The following ABHD12 variants were observed in gnomAD, a reference collection of about 807,000 sequenced individuals.
The protein encoded by ABHD12 is lysophosphatidylserine lipase ABHD12.
ABHD12 carries 43 observed loss-of-function variants against 58.3 expected under a neutral mutation model. That is an observed-to-expected ratio of 0.74 (90% CI 0.58 to 0.95). The LOEUF (loss-of-function observed/expected upper bound fraction) is 0.95, where lower values mean the gene tolerates loss of function less well. Ranked by LOEUF, ABHD12 falls within the 40% of genes least tolerant of loss-of-function variation. ABHD12 has a pLI of 0.00. For synonymous variants in ABHD12, 219 were observed against 211.2 expected (o/e 1.04, Z -0.32); for missense variants, 539 against 537.2 (o/e 1.00, Z -0.03).
chr20:25,311,997 C>T (rs752329863), intron 6 of ABHD12, among the ~76,000 whole-genome samples: 6 of 152,046 alleles, frequency 3.9e-5, no homozygotes, highest in Non-Finnish European at 7.4e-5. Context: ...CGTGAGCCAC[C>T]GTGCCCAGCC....
At chr20:25,299,523 G>A (rs1205240259), downstream of ABHD12, among the ~76,000 whole-genome samples, 3 of 152,040 alleles carry the variant, frequency 2.0e-5, no homozygotes, top group Admixed American at 6.5e-5. Context: ...AAAAGATGAA[G>A]GCCAGCCCAG....
chr20:25,387,839 G>C (rs962183201), intron 1 of ABHD12, among the ~76,000 whole-genome samples: 1 of 151,764 alleles, frequency 6.6e-6, no homozygotes, highest in African/African-American at 2.4e-5. Context: ...TCACGAGTTC[G>C]AGACCAGCCT....
downstream of ABHD12, chr20:25,296,421 A>C: frequency 6.2e-7 from 1 of 1,614,076 alleles, no homozygotes; most frequent in Non-Finnish European, 8.5e-7. Context: ...CTGCTCGGGC[A>C]AGTTCTCCAG....
rs776065335 is a variant in ABHD12 at position 25,309,460 on chromosome 20, G to C, written c.735C>G (p.His245Gln). The change falls in exon 7 of 13, where the codon CAC becomes CAG. Residue 245 changes from histidine (H) to glutamine (Q), a missense_variant. Physicochemically the swap from His to Gln is conservative, Grantham distance 24. Coordinates refer to ENST00000339157, the MANE Select transcript of ABHD12 (RefSeq NM_001042472.3). Reference sequence around the variant, plus strand: ...GGGTCCCTTACCCAGTGCCCAGAGAGTGGCCCCAGATGTACACGGGGTTGT... The same window carrying C: ...GGGTCCCTTACCCAGTGCCCAGAGACTGGCCCCAGATGTACACGGGGTTGT... ...SGDNPVYIWG[H>Q]SLGTGVATNL... 6.2e-7 allele frequency: 1 copy of C among 1,614,176 alleles called. No individual in the cohort carries two copies. The highest frequency in any genetic ancestry group is 1.1e-5 in the South Asian group (1 of 91,086).
At chr20:25,341,640 T>C (rs2089455693) in intron 1 of ABHD12, among the ~76,000 whole-genome samples, 1 of 152,126 alleles carries the variant, frequency 6.6e-6, no homozygotes, top group Admixed American at 6.5e-5. Context: ...AGACTGCACA[T>C]GTGAGTCCTT....
At chr20:25,372,522 T>C (rs372706856) in intron 1 of ABHD12, among the ~76,000 whole-genome samples, 3 of 152,212 alleles carry the variant, frequency 2.0e-5, no homozygotes, top group African/African-American at 7.2e-5. Context: ...AGCTTTTTTA[T>C]ATCTGAAAAC....
At chr20:25,297,187 G>A (rs200432068), downstream of ABHD12, 1 of 152,668 alleles carries the variant, frequency 6.6e-6, no homozygotes, top group Non-Finnish European at 1.5e-5. Context: ...CGGGATGACT[G>A]AGGGGGACAC....
At chr20:25,321,345 G>GATGGTCAGGC (rs1352817564) in intron 3 of ABHD12, among the ~76,000 whole-genome samples, 1 of 152,256 alleles carries the variant, frequency 6.6e-6, no homozygotes, top group Non-Finnish European at 1.5e-5. Flanking sequence ...GCAGACAGGC[G>GATGGTCAGGC]ATGGCCAGGC....
intron 1 of ABHD12, among the ~76,000 whole-genome samples, chr20:25,367,565 TA>T (rs949258439): frequency 6.6e-6 from 1 of 152,206 alleles, no homozygotes; most frequent in African/African-American, 2.4e-5. Context: ...CATTAAACAG[TA>T]ACTCCCATTC....
At chr20:25,321,050 A>T (rs970771838) in intron 3 of ABHD12, among the ~76,000 whole-genome samples, 4 of 152,168 alleles carry the variant, frequency 2.6e-5, no homozygotes, top group Non-Finnish European at 4.4e-5. Flanking sequence ...AAGAATCTTT[A>T]AAAAAATTTA....
chr20:25,351,645 G>A (rs748548561), intron 1 of ABHD12, among the ~76,000 whole-genome samples: 4 of 152,182 alleles, frequency 2.6e-5, no homozygotes, highest in East Asian at 3.9e-4. Flanking sequence ...TGGACAGCAC[G>A]GTGGTTCGCC....
intron 1 of ABHD12, among the ~76,000 whole-genome samples, chr20:25,376,826 A>C (rs570124010): frequency 6.6e-6 from 1 of 152,350 alleles, no homozygotes; most frequent in South Asian, 2.1e-4. Flanking sequence ...AGAACACAGG[A>C]GCAATACTCT....
chr20:25,339,376 G>A, intron 1 of ABHD12, 25 bp from the exon 2 acceptor site: 1 of 1,613,950 alleles, frequency 6.2e-7, no homozygotes, highest in Non-Finnish European at 8.5e-7. Context: ...CAATGAATAG[G>A]TCAGAAGGCA....
At chr20:25,319,549 TCCGGCTTCA>T (rs1213775137) in intron 4 of ABHD12, among the ~76,000 whole-genome samples, 1 of 152,160 alleles carries the variant, frequency 6.6e-6, no homozygotes, top group Non-Finnish European at 1.5e-5. Flanking sequence ...CTGCCCTGGC[TCCGGCTTCA>T]CCTGTCTGCC....
chr20:25,343,727 G>A (rs780577568), intron 1 of ABHD12, among the ~76,000 whole-genome samples: 4 of 152,104 alleles, frequency 2.6e-5, no homozygotes, highest in Non-Finnish European at 5.9e-5. Flanking sequence ...CCTGGGAGGC[G>A]GAGGTTGCAG....
intron 11 of ABHD12, among the ~76,000 whole-genome samples, chr20:25,302,737 C>T (rs1420386103): frequency 6.6e-6 from 1 of 152,218 alleles, no homozygotes; most frequent in Admixed American, 6.5e-5. Context: ...TCAGCCCCCT[C>T]CCCCTCTCAT....
intron 1 of ABHD12, among the ~76,000 whole-genome samples, chr20:25,384,289 T>C (rs2090060015): frequency 6.7e-6 from 1 of 149,536 alleles, no homozygotes; most frequent in South Asian, 2.1e-4. Context: ...CTTTAAAAAT[T>C]ATCTTTTGGC....
At chr20:25,325,660 CAGG>C in intron 2 of ABHD12, among the ~76,000 whole-genome samples, 1 of 152,276 alleles carries the variant, frequency 6.6e-6, no homozygotes, top group Non-Finnish European at 1.5e-5. Flanking sequence ...CTCAGCATCT[CAGG>C]AGGAGCTGGG....
intron 1 of ABHD12, among the ~76,000 whole-genome samples, chr20:25,349,083 C>CA (rs61219186): frequency 0.034 from 2,042 of 60,842 alleles, 37 homozygotes; most frequent in African/African-American, 0.081. Flanking sequence ...GACTCCGTCT[C>CA]AAAAAAAAAA....
Sources: allele counts gnomAD v4.1 joint callset (sites outside exome capture counted in the v4.1 genomes callset), GRCh38; gene constraint gnomAD v4.1.1; transcripts MANE v1.5; gene names NCBI Gene and HGNC (gene_info 2026-07-23, HGNC 2026-07-21).